The following MFHAS1 variants were observed in gnomAD, a reference collection of about 807,000 sequenced individuals.
MFHAS1 encodes the protein multifunctional ROCO family signaling regulator 1.
In MFHAS1, 50 loss-of-function variants were observed where a neutral mutation model predicts 70.4. The ratio of observed to expected loss-of-function variants is 0.71; its 90% CI spans 0.57 to 0.90. The LOEUF (loss-of-function observed/expected upper bound fraction) is 0.90, where lower values mean the gene tolerates loss of function less well. Among genes scored for constraint, MFHAS1 ranks in the 40% least tolerant of loss-of-function variants. The pLI, the probability that MFHAS1 is intolerant of heterozygous loss-of-function variation, is 0.00. For missense variants in MFHAS1, 1,795 were observed against 1,347.6 expected (o/e 1.33, Z -5.20); for synonymous variants, 952 against 620.0 (o/e 1.54, Z -7.96).
At chr8:8,830,533 T>C (rs1159563671) in intron 1 of MFHAS1, among the ~76,000 whole-genome samples, 1 of 152,154 alleles carries the variant, frequency 6.6e-6, no homozygotes. Context: ...CTGGACCAAT[T>C]TTCTAATTTT....
At chr8:8,818,460 G>C (rs764077282) in intron 1 of MFHAS1, among the ~76,000 whole-genome samples, 3 of 152,198 alleles carry the variant, frequency 2.0e-5, no homozygotes, top group Admixed American at 1.3e-4. Flanking sequence ...ACTGTAAAAA[G>C]CTAGAGTACT....
rs370908696 is a variant in MFHAS1, at chr8:8,798,534, G to A, written c.2999-1043C>T. 7.9e-5 allele frequency among the ~76,000 whole-genome samples: 12 copies of A among 152,084 alleles called. No individual in the cohort carries two copies. The East Asian group carries it at 1.7e-3, about 22-fold the overall frequency. On this transcript the variant is annotated intron_variant, in intron 1 of 2. Transcript: ENST00000276282. ...TTATTTTTGTAGAGACAGGAGTCTC[G>A]ATATGTTTCCCAGGCTGGTCTCAAA...
intron 1 of MFHAS1, among the ~76,000 whole-genome samples, chr8:8,889,776 G>C (rs748193221): frequency 6.6e-6 from 1 of 152,178 alleles, no homozygotes; most frequent in Non-Finnish European, 1.5e-5. Flanking sequence ...TCCACCAAAT[G>C]TGGGCTACAT....
Position 8,826,718 on chromosome 8 carries a change from G to C in MFHAS1, c.2999-29227C>G, listed in dbSNP as rs978338433. Among the ~76,000 whole-genome samples the C allele has an allele frequency of 3.9e-5, 6 of 152,194 alleles. No homozygotes were observed. In the East Asian group the frequency reaches 7.7e-4, roughly 20 times the overall value. On this transcript the variant is annotated intron_variant, in intron 1 of 2. Coordinates refer to ENST00000276282, the MANE Select transcript of MFHAS1 (RefSeq NM_004225.3). ...ACTGCACTCCAGCCTGGGTGACAGA[G>C]TGAGGCTCCATCTCAAAAAAGAGCT... is the stretch of plus-strand genomic sequence containing the variant.
rs1253845360 is a variant in MFHAS1, at chr8:8,785,165, T to C, written c.*857A>G. The C allele has an allele frequency of 6.6e-6, 1 of 152,228 alleles. No individual in the cohort carries two copies. Among genetic ancestry groups the C allele is most frequent in the Non-Finnish European group, 1.5e-5 (1 of 68,028 alleles). The allele number at this position is 152,228 out of a possible 1,614,324, so 9.4% of individuals were successfully genotyped here. A position where few individuals can be genotyped will look rare whatever the true frequency, so the allele number is the denominator to read the frequency against. On this transcript the variant is annotated 3_prime_UTR_variant, in exon 3 of 3. Transcript: ENST00000276282. The stretch of plus-strand genomic sequence containing the variant: ...TAAAAGACTCAAGTTTTGCATGGAC[T>C]TTTTGTCCTCTTTGGCCCCTGAGTG...
At chr8:8,837,930 G>A (rs1306341391) in intron 1 of MFHAS1, among the ~76,000 whole-genome samples, 2 of 152,102 alleles carry the variant, frequency 1.3e-5, no homozygotes. Flanking sequence ...ACCCCTACAT[G>A]TTTACTCAGG....
In MFHAS1 at chr8:8,890,887, C is replaced by A; in HGVS notation, c.2172G>T (p.Glu724Asp). 6.2e-7 allele frequency: 1 copy of A among 1,614,128 alleles called. No homozygotes were observed. Among genetic ancestry groups the A allele is most frequent in the Non-Finnish European group, 8.5e-7 (1 of 1,180,034 alleles). Residue 724 changes from glutamate to aspartate, a missense_variant, in exon 1 of 3, where the codon GAG (glutamate) becomes GAT (aspartate). Transcript: ENST00000276282. ...LYFEDSPALK[E>D]HVFHNLTRLI... is the part of the protein sequence containing the mutation. ...GGCGGGTGAGGTTGTGGAAGACGTG[C>A]TCCTTGAGAGCCGGACTGTCCTCAA...
chr8:8,876,714 G>C (rs964413199), intron 1 of MFHAS1, among the ~76,000 whole-genome samples: 2 of 151,896 alleles, frequency 1.3e-5, no homozygotes, highest in African/African-American at 2.4e-5. Context: ...ACTTTTAAAA[G>C]AGCATAAGGT....
intron 1 of MFHAS1, among the ~76,000 whole-genome samples, chr8:8,875,718 G>A (rs1480915208): frequency 6.6e-6 from 1 of 152,122 alleles, no homozygotes; most frequent in Non-Finnish European, 1.5e-5. Flanking sequence ...AGCCTCCTGA[G>A]TAGCTGGGAT....
Position 8,892,398 on chromosome 8 carries a change from C to T in MFHAS1, c.661G>A (p.Glu221Lys), listed in dbSNP as rs1304134416. The T allele has an allele frequency of 6.2e-7, 1 of 1,612,836 alleles. No individual in the cohort carries two copies. The highest frequency in any genetic ancestry group is 8.5e-7 in the Non-Finnish European group (1 of 1,179,870). ...AGGGCACGCAGGGCACTGATATCCT[C>T]AGGCAGGCCCCGCAGCCGGTTGCTG... is the stretch of plus-strand genomic sequence containing the variant. ...VSSNRLRGLP[E>K]DISALRALKI... is the part of the protein sequence containing the mutation. The change falls in exon 1 of 3, where the codon GAG becomes AAG. Residue 221 changes from glutamate to lysine, a missense_variant. Coordinates refer to ENST00000276282, the MANE Select transcript of MFHAS1 (RefSeq NM_004225.3). This position sits in a 1 kb window ranked among gnomAD's most constrained non-coding sequence, Gnocchi z 4.7.
intron 1 of MFHAS1, among the ~76,000 whole-genome samples, chr8:8,819,558 C>T (rs1213616925): frequency 2.7e-5 from 4 of 146,802 alleles, no homozygotes; most frequent in South Asian, 2.2e-4. Context: ...GAGCCAAGAT[C>T]ACGCCACTGC....
intron 1 of MFHAS1, among the ~76,000 whole-genome samples, chr8:8,844,532 G>A (rs78240713): frequency 0.019 from 2,849 of 152,254 alleles, 86 homozygotes; most frequent in African/African-American, 0.065. Flanking sequence ...ATCTAAAAAT[G>A]ACACAACTGG....
At chr8:8,865,896 G>C (rs1204003269) in intron 1 of MFHAS1, among the ~76,000 whole-genome samples, 3 of 152,174 alleles carry the variant, frequency 2.0e-5, no homozygotes, top group African/African-American at 4.8e-5. Context: ...CTAGGGCAGG[G>C]ATTACTGCAG....
chr8:8,826,268 G>GTGTC lies in MFHAS1; in HGVS notation c.2999-28778_2999-28777insGACA, dbSNP rs1299652307. On this transcript the variant is annotated intron_variant, in intron 1 of 2. Coordinates refer to ENST00000276282, the MANE Select transcript of MFHAS1 (RefSeq NM_004225.3). The stretch of plus-strand genomic sequence containing the variant: ...AAAGAGTGTGTGTGTGTGTGTGTGT[G>GTGTC]TGTGTGTGTCGCACACTGCTGCCTA... Among the ~76,000 whole-genome samples, 22 of 151,934 alleles carry GTGTC rather than the reference G, an allele frequency of 1.4e-4. No homozygotes were observed. In the East Asian group the frequency reaches 4.1e-3, roughly 28 times the overall value.
intron 2 of MFHAS1, among the ~76,000 whole-genome samples, chr8:8,792,519 T>C (rs937181931): frequency 1.6e-4 from 25 of 151,890 alleles, no homozygotes; most frequent in South Asian, 8.3e-4. Flanking sequence ...GGCAGAAGAA[T>C]TGCTTGAACC....
At chr8:8,786,477 A>G (rs1251908185) in intron 2 of MFHAS1, among the ~76,000 whole-genome samples, 1 of 152,200 alleles carries the variant, frequency 6.6e-6, no homozygotes, top group Non-Finnish European at 1.5e-5. Flanking sequence ...TATACTAAAA[A>G]GTGAGATGTC....
At chr8:8,888,491 C>T (rs1809856161) in intron 1 of MFHAS1, among the ~76,000 whole-genome samples, 1 of 151,490 alleles carries the variant, frequency 6.6e-6, no homozygotes, top group African/African-American at 2.4e-5. Context: ...TGTTAACCAC[C>T]TGCTCCACAA....
At chr8:8,876,989 A>G (rs979800779) in intron 1 of MFHAS1, among the ~76,000 whole-genome samples, 3 of 151,888 alleles carry the variant, frequency 2.0e-5, no homozygotes, top group Non-Finnish European at 4.4e-5. Flanking sequence ...GTGTCCAACA[A>G]ATGAAGTGCA....
At chr8:8,814,192 C>T (rs1320052171) in intron 1 of MFHAS1, among the ~76,000 whole-genome samples, 1 of 152,188 alleles carries the variant, frequency 6.6e-6, no homozygotes, top group Admixed American at 6.5e-5. Context: ...CCCACCTCAG[C>T]CTCCCACAGT....
Sources: allele counts gnomAD v4.1 joint callset (sites outside exome capture counted in the v4.1 genomes callset), GRCh38; gene constraint gnomAD v4.1.1; non-coding constraint Gnocchi (gnomAD v3.1); transcripts MANE v1.5; gene names NCBI Gene and HGNC (gene_info 2026-07-23, HGNC 2026-07-21).